Variants in GAK observed in about 807,000 individuals in gnomAD.
The protein encoded by GAK is cyclin-G-associated kinase.
In GAK, 79 loss-of-function variants were observed where a neutral mutation model predicts 143.9. The ratio of observed to expected loss-of-function variants is 0.55; its 90% CI spans 0.46 to 0.66. The LOEUF (loss-of-function observed/expected upper bound fraction) is 0.66, where lower values mean the gene tolerates loss of function less well. Ranked by LOEUF, GAK falls within the 30% of genes least tolerant of loss-of-function variation. The pLI is 0.00. For missense variants in GAK, 1,693 were observed against 1,779.7 expected (o/e 0.95, Z 0.88); for synonymous variants, 881 against 765.5 (o/e 1.15, Z -2.49).
chr4:861,951 T>G (rs1440423440), intron 23 of GAK, among the ~76,000 whole-genome samples: 1 of 152,250 alleles, frequency 6.6e-6, no homozygotes, highest in Non-Finnish European at 1.5e-5. Flanking sequence ...CAGCAGGGGC[T>G]GAGGCTGAAG....
At chr4:891,513 T>C (rs925706881) in intron 9 of GAK, among the ~76,000 whole-genome samples, 6 of 152,142 alleles carry the variant, frequency 3.9e-5, no homozygotes, top group African/African-American at 9.7e-5. Context: ...GGACTGTGTT[T>C]TCTGGGGGAG....
intron 23 of GAK, among the ~76,000 whole-genome samples, chr4:863,839 A>G (rs1297231702): frequency 1.3e-5 from 2 of 152,144 alleles, no homozygotes; most frequent in Admixed American, 6.5e-5. Flanking sequence ...CCCGACCAAC[A>G]TAGTGAAACC....
intron 11 of GAK, chr4:884,447 G>C (rs1560354334): frequency 3.8e-6 from 1 of 260,232 alleles, no homozygotes; most frequent in East Asian, 1.1e-4. Context: ...GAGGGCTGGA[G>C]AGCAAGGGTG....
chr4:926,080 C>T lies in GAK; in HGVS notation c.145+5963G>A, dbSNP rs116647103. 8.9e-3 allele frequency among the ~76,000 whole-genome samples: 1,357 copies of T among 151,980 alleles called. 16 individuals carry two copies. The highest frequency in any genetic ancestry group is 0.031 in the African/African-American group (1,294 of 41,418). On this transcript the variant is annotated intron_variant, in intron 1 of 27. Transcript: ENST00000314167. ...AAGGGGGTCCTCCCCCGACAGTGAC[C>T]TCCCCAAACGTCTAATTCACCCCAG...
At chr4:897,907 C>T in intron 6 of GAK, 126 bp downstream of exon 6, 2 of 1,103,854 alleles carry the variant, frequency 1.8e-6, no homozygotes, top group Non-Finnish European at 2.5e-6. Flanking sequence ...CGGGATTGCA[C>T]CACTGCACTC....
chr4:918,517 C>G (rs974711930), intron 1 of GAK, among the ~76,000 whole-genome samples: 8 of 152,246 alleles, frequency 5.3e-5, no homozygotes, highest in African/African-American at 1.7e-4. Context: ...CAGTTACTAA[C>G]GACAGATTAC....
Position 893,914 on chromosome 4 carries a change from G to C in GAK, c.837C>G (p.Pro279=), listed in dbSNP as rs760055432. The C allele has an allele frequency of 1.2e-5, 19 of 1,612,122 alleles. 1 individual carries two copies. In the South Asian group the frequency reaches 1.9e-4, roughly 16 times the overall value. Residue 279 remains proline, a synonymous_variant, in exon 8 of 28, where the codon CCC becomes CCG. Coordinates refer to ENST00000314167, the MANE Select transcript of GAK (RefSeq NM_005255.4). The part of the protein sequence containing the change: ...LRIVNGKYSI[P]PHDTQYTVFH... ...AGACCGTGTACTGCGTGTCGTGCGG[G>C]GGGATCGAGTACTTCCCATTGACTA... is the stretch of plus-strand genomic sequence containing the variant.
In GAK at chr4:893,866, G is replaced by A; in HGVS notation, c.877+8C>T. ...CCTGCCCCACGCACGCATTCCACCGGGACTTACGGATGAGGCTGTGGAAGA... is the reference window on the plus strand; with the variant it reads ...CCTGCCCCACGCACGCATTCCACCGAGACTTACGGATGAGGCTGTGGAAGA... On this transcript the variant is annotated splice_region_variant and intron_variant, in intron 8 of 27. Coordinates refer to ENST00000314167, the MANE Select transcript of GAK (RefSeq NM_005255.4). The A allele has an allele frequency of 6.3e-7, 1 of 1,577,380 alleles. No individual in the cohort carries two copies. Among genetic ancestry groups the A allele is most frequent in the East Asian group, 2.3e-5 (1 of 44,158 alleles).
rs979096356 is a variant in GAK at position 898,216 on chromosome 4, G to A, written c.526-58C>T. 2.7e-4 allele frequency: 430 copies of A among 1,599,606 alleles called. 3 individuals carry two copies. The highest frequency in any genetic ancestry group is 2.6e-3 in the South Asian group (235 of 89,682). On this transcript the variant is annotated intron_variant, in intron 5 of 27. Transcript: ENST00000314167. ...TGGCGTAGACAGAGATGGGACTTCA[G>A]GGAAAACGAACGGGTGTGAGACACA...
At chr4:882,965 C>T in intron 13 of GAK, 146 bp from the exon 14 acceptor site, 1 of 1,037,430 alleles carries the variant, frequency 9.6e-7, no homozygotes, top group South Asian at 1.6e-5. Context: ...ACCTGAGCAC[C>T]AGGGCTGCCA....
At chr4:859,752 A>AG in intron 23 of GAK, 30 bp from the exon 24 acceptor site, 1 of 1,492,308 alleles carries the variant, frequency 6.7e-7, no homozygotes, top group Non-Finnish European at 9.2e-7. Flanking sequence ...CATTAGAACA[A>AG]GCACCATCTG....
chr4:907,218 A>G (rs1224525172), intron 4 of GAK, among the ~76,000 whole-genome samples: 1 of 152,204 alleles, frequency 6.6e-6, no homozygotes, highest in Non-Finnish European at 1.5e-5. Context: ...TCCCCAGCAC[A>G]GCCCAGCACT....
chr4:865,104 G>C lies in GAK; in HGVS notation c.3166+18C>G. The C allele has an allele frequency of 1.2e-6, 2 of 1,602,896 alleles. No individual in the cohort carries two copies. The highest frequency in any genetic ancestry group is 1.7e-6 in the Non-Finnish European group (2 of 1,173,602). ...CTGCACGTCTGGGAGCCCTGTCCTT[G>C]GTGGGTGGTGGCCATACCTTCTGTG... On this transcript the variant is annotated intron_variant, in intron 23 of 27. Coordinates refer to ENST00000314167, the MANE Select transcript of GAK (RefSeq NM_005255.4).
At chr4:865,966 G>A (rs1751097861) in intron 22 of GAK, among the ~76,000 whole-genome samples, 1 of 152,246 alleles carries the variant, frequency 6.6e-6, no homozygotes, top group Non-Finnish European at 1.5e-5. Flanking sequence ...ACCCAGACCA[G>A]GTCAGCTTCC....
chr4:899,003 G>T (rs1199935131), intron 5 of GAK, among the ~76,000 whole-genome samples: 4 of 152,258 alleles, frequency 2.6e-5, no homozygotes, highest in African/African-American at 9.6e-5. Context: ...GTGCTGCTGA[G>T]AAGCCACGGA....
intron 21 of GAK, 111 bp downstream of exon 21, chr4:866,845 G>A (rs1751276578): frequency 1.2e-6 from 1 of 840,204 alleles, no homozygotes; most frequent in Non-Finnish European, 1.8e-6. Context: ...TGGGGGAAGG[G>A]CACGTTCCCT....
chr4:905,418 C>T (rs1720877967), intron 4 of GAK, among the ~76,000 whole-genome samples: 1 of 151,790 alleles, frequency 6.6e-6, no homozygotes, highest in Admixed American at 6.5e-5. Context: ...TGGCCCCAGG[C>T]CACGCTACAG....
chr4:852,484 G>C (rs369075873), intron 24 of GAK: 6 of 170,294 alleles, frequency 3.5e-5, no homozygotes, highest in African/African-American at 1.4e-4. Flanking sequence ...CTGTCACCCA[G>C]GCTGGAGTGC....
chr4:865,783 G>A (rs769260896), intron 22 of GAK, among the ~76,000 whole-genome samples: 6 of 152,232 alleles, frequency 3.9e-5, no homozygotes, highest in Admixed American at 6.5e-5. Context: ...CGTGGACCAC[G>A]CTGCTGCCTC....
Sources: gnomAD v4.1 joint callset for allele counts (sites outside exome capture counted in the v4.1 genomes callset) on GRCh38, gnomAD v4.1.1 for gene constraint, MANE v1.5 for transcripts, NCBI Gene and HGNC (gene_info 2026-07-23, HGNC 2026-07-21) for gene names.